CUX1: variants seen among roughly 807,000 people sequenced by gnomAD.
CUX1 encodes the protein cut like homeobox 1, also known as protein CASP.
A neutral mutation model predicts 158.8 loss-of-function variants in CUX1; 31 were observed. The observed-to-expected ratio is 0.20, with a 90% CI of 0.15 to 0.26. CUX1 has a LOEUF of 0.26. CUX1 is among the 10% of genes least tolerant of loss of function. The probability of loss-of-function intolerance (pLI) is 1.00; values close to 1 mark genes in which losing one functional copy is unlikely to be tolerated. For synonymous variants in CUX1, 879 were observed against 862.1 expected (o/e 1.02, Z -0.34); for missense variants, 1,589 against 2,014.6 (o/e 0.79, Z 4.04).
intron 2 of CUX1, among the ~76,000 whole-genome samples, chr7:101,966,449 C>T (rs531515834): frequency 3.9e-5 from 6 of 152,092 alleles, no homozygotes; most frequent in Admixed American, 2.0e-4. Flanking sequence ...TCATTGAAAG[C>T]GCATGATGGG....
chr7:102,024,840 C>T (rs991500554), intron 2 of CUX1, among the ~76,000 whole-genome samples: 2 of 152,142 alleles, frequency 1.3e-5, no homozygotes, highest in Non-Finnish European at 2.9e-5. Flanking sequence ...GGGTGAAATG[C>T]GGTGATGTGT....
At chr7:101,953,064 C>T (rs1809293637) in intron 2 of CUX1, among the ~76,000 whole-genome samples, 1 of 152,200 alleles carries the variant, frequency 6.6e-6, no homozygotes, top group Non-Finnish European at 1.5e-5. Context: ...CCTGCCCGCT[C>T]CTCACGTGTG....
At chr7:102,144,821 C>T (rs1275934446) in intron 8 of CUX1, among the ~76,000 whole-genome samples, 1 of 152,042 alleles carries the variant, frequency 6.6e-6, no homozygotes, top group Non-Finnish European at 1.5e-5. Context: ...GGCGCAATGG[C>T]TCACGTCTGT....
At chr7:102,053,510 C>T (rs898605136) in intron 3 of CUX1, among the ~76,000 whole-genome samples, 3 of 152,098 alleles carry the variant, frequency 2.0e-5, no homozygotes, top group South Asian at 2.1e-4. Context: ...ATCACCCTGT[C>T]GTGCTATCAA....
intron 1 of CUX1, among the ~76,000 whole-genome samples, chr7:101,876,741 A>ATG (rs1491101116): frequency 1.3e-5 from 2 of 152,044 alleles, no homozygotes; most frequent in Non-Finnish European, 2.9e-5. Context: ...ATGATAGTTA[A>ATG]TATATATATA....
At chr7:102,021,933 G>C (rs1368157643) in intron 2 of CUX1, among the ~76,000 whole-genome samples, 1 of 152,162 alleles carries the variant, frequency 6.6e-6, no homozygotes, top group Non-Finnish European at 1.5e-5. Flanking sequence ...CCTTCTATGT[G>C]TGCATTGTGT....
intron 1 of CUX1, among the ~76,000 whole-genome samples, chr7:101,899,617 C>A (rs1051812546): frequency 2.0e-5 from 3 of 152,274 alleles, no homozygotes; most frequent in Admixed American, 1.3e-4. Flanking sequence ...GAGAGATGTC[C>A]TTCCTGGGCC....
intron 2 of CUX1, among the ~76,000 whole-genome samples, chr7:101,967,107 G>A (rs1208058908): frequency 2.0e-5 from 3 of 151,958 alleles, no homozygotes; most frequent in East Asian, 1.9e-4. Flanking sequence ...TCCACCTCCC[G>A]GGTTTGAATG....
intron 9 of CUX1, among the ~76,000 whole-genome samples, chr7:102,160,676 C>T (rs901860699): frequency 3.3e-5 from 5 of 152,016 alleles, no homozygotes; most frequent in African/African-American, 7.3e-5. Context: ...AGGGGAAATA[C>T]GCCAGTCACA....
At chr7:101,998,891 G>A (rs1026846892) in intron 2 of CUX1, among the ~76,000 whole-genome samples, 1 of 152,214 alleles carries the variant, frequency 6.6e-6, no homozygotes, top group African/African-American at 2.4e-5. Flanking sequence ...AGGCCCCTGA[G>A]CCCCCAGGTT....
chr7:101,924,731 AT>A (rs1047910038), intron 2 of CUX1, among the ~76,000 whole-genome samples: 7 of 148,070 alleles, frequency 4.7e-5, no homozygotes, highest in African/African-American at 1.0e-4. Context: ...ACACCTGGTT[AT>A]TTTTTTTTAT....
chr7:102,150,638 G>A (rs1337244505), intron 8 of CUX1, among the ~76,000 whole-genome samples: 8 of 152,312 alleles, frequency 5.3e-5, no homozygotes, highest in East Asian at 1.9e-4. Context: ...GATGCCACGC[G>A]TTAGCCCCCA....
In CUX1 at chr7:102,201,597, C is replaced by T. The variant is rs782134933; in HGVS notation, c.2300C>T (p.Pro767Leu). ...CCTCTCGCCATCTCCCTGAAGAAGC[C>T]CTCCGCAGCTCCTGAGGCCGGTGCC... ...YPPLAISLKK[P>L]SAAPEAGASA... Residue 767 changes from proline (P) to leucine (L), a missense_variant, in exon 18 of 24, where the codon CCC becomes CTC. Physicochemically the swap from Pro to Leu is moderately conservative, Grantham distance 98 (BLOSUM62 -3). Coordinates refer to ENST00000292535, the MANE Select transcript of CUX1 (RefSeq NM_181552.4). This position sits in a 1 kb window ranked among gnomAD's most constrained non-coding sequence, Gnocchi z 5.0. 3.1e-6 allele frequency: 5 copies of T among 1,613,968 alleles called. No individual in the cohort carries two copies. The highest frequency in any genetic ancestry group is 1.7e-5 in the Admixed American group (1 of 60,004).
intron 2 of CUX1, among the ~76,000 whole-genome samples, chr7:101,938,108 GGTGT>G (rs1361062792): frequency 6.6e-6 from 1 of 151,474 alleles, no homozygotes; most frequent in African/African-American, 2.4e-5. Flanking sequence ...CATGTTTTTT[GGTGT>G]GTGTATTTTT....
intron 20 of CUX1, among the ~76,000 whole-genome samples, chr7:102,226,652 T>A (rs1798373215): frequency 6.6e-6 from 1 of 152,006 alleles, no homozygotes; most frequent in Admixed American, 6.6e-5. Flanking sequence ...TGAGATGGAG[T>A]CTCACTCTCA....
chr7:102,041,256 CT>C (rs11427183), intron 3 of CUX1, among the ~76,000 whole-genome samples: 51 of 69,910 alleles, frequency 7.3e-4, no homozygotes, highest in Admixed American at 2.5e-3. Context: ...CTTATCCATT[CT>C]TTTTTTTTTT....
chr7:102,004,178 A>C (rs929708622), intron 2 of CUX1, among the ~76,000 whole-genome samples: 1 of 152,212 alleles, frequency 6.6e-6, no homozygotes, highest in Non-Finnish European at 1.5e-5. Context: ...ATCCTGCCCC[A>C]GAGCCCGGCT....
At chr7:101,867,476 C>T (rs954860846) in intron 1 of CUX1, among the ~76,000 whole-genome samples, 2 of 152,296 alleles carry the variant, frequency 1.3e-5, no homozygotes. Flanking sequence ...TTAGGTCTGC[C>T]CCAGCCACAA....
chr7:102,030,689 G>GTGTTGTTTTTTTTTTTGTTTTTTGTTTTT (rs1820646719), intron 3 of CUX1, among the ~76,000 whole-genome samples: 1 of 82,540 alleles, frequency 1.2e-5, no homozygotes, highest in African/African-American at 5.3e-5. Flanking sequence ...ATTTTAAAAA[G>GTGTTGTTTTTTTTTTTGTTTTTTGTTTTT]TGTTTTTTTT....
Sources: allele counts gnomAD v4.1 joint callset (sites outside exome capture counted in the v4.1 genomes callset), GRCh38; gene constraint gnomAD v4.1.1; non-coding constraint Gnocchi (gnomAD v3.1); transcripts MANE v1.5; gene names NCBI Gene and HGNC (gene_info 2026-07-23, HGNC 2026-07-21).